The following TUSC3 variants were observed in gnomAD, a reference collection of about 807,000 sequenced individuals.
TUSC3 encodes the protein dolichyl-diphosphooligosaccharide--protein glycosyltransferase subunit TUSC3.
In TUSC3, 45 loss-of-function variants were observed where a neutral mutation model predicts 44.8. That is an observed-to-expected ratio of 1.00 (90% CI 0.79 to 1.29). TUSC3 has a LOEUF of 1.29. TUSC3 is among the 50% of genes most tolerant of loss of function. The probability of loss-of-function intolerance (pLI) is 0.00; values close to 1 mark genes in which losing one functional copy is unlikely to be tolerated. For missense variants in TUSC3, 519 were observed against 437.9 expected (o/e 1.19, Z -1.65); for synonymous variants, 212 against 152.9 (o/e 1.39, Z -2.85).
At chr8:15,456,404 T>A (rs1432263170) in intron 1 of TUSC3, among the ~76,000 whole-genome samples, 1 of 151,810 alleles carries the variant, frequency 6.6e-6, no homozygotes, top group African/African-American at 2.4e-5. Flanking sequence ...ATAGAAAAAA[T>A]AAAAGACCAA....
chr8:15,751,306 G>A (rs2129219643), intron 9 of TUSC3, among the ~76,000 whole-genome samples: 1 of 152,200 alleles, frequency 6.6e-6, no homozygotes, highest in South Asian at 2.1e-4. Flanking sequence ...AAAAAGTTCA[G>A]AAAGTAGGTC....
At chr8:15,488,822 A>G (rs1800768850) in intron 2 of TUSC3, among the ~76,000 whole-genome samples, 1 of 152,186 alleles carries the variant, frequency 6.6e-6, no homozygotes, top group Admixed American at 6.5e-5. Context: ...CAGCTATGAA[A>G]CTATGAGAAA....
chr8:15,483,003 A>C, intron 1 of TUSC3, among the ~76,000 whole-genome samples: 1 of 149,184 alleles, frequency 6.7e-6, no homozygotes, highest in South Asian at 2.1e-4. Flanking sequence ...AGTCAAAAGA[A>C]TGATAATTTA....
chr8:15,623,541 G>T (rs1050767006), intron 2 of TUSC3, among the ~76,000 whole-genome samples: 2 of 151,702 alleles, frequency 1.3e-5, no homozygotes, highest in Admixed American at 1.3e-4. Context: ...TATAGCTATG[G>T]TTAATGAAGT....
At chr8:15,656,234 C>T (rs568052566) in intron 3 of TUSC3, among the ~76,000 whole-genome samples, 1 of 152,102 alleles carries the variant, frequency 6.6e-6, no homozygotes, top group Non-Finnish European at 1.5e-5. Context: ...AAAGTCTGAA[C>T]TCATTCTAGT....
chr8:15,779,716 C>G, the TUSC3 span, among the ~76,000 whole-genome samples: 2 of 152,110 alleles, frequency 1.3e-5, no homozygotes, highest in African/African-American at 2.4e-5. Context: ...TTAAAAAGAT[C>G]AGCTATTTTT....
At chr8:15,650,664 T>A (rs1229457198) in intron 2 of TUSC3, 33 bp from the exon 3 acceptor site, 1 of 1,581,066 alleles carries the variant, frequency 6.3e-7, no homozygotes, top group South Asian at 1.1e-5. Flanking sequence ...TCAGTACTGA[T>A]GTGTTTCTAC....
the TUSC3 span, among the ~76,000 whole-genome samples, chr8:15,809,415 A>T: frequency 1.3e-5 from 2 of 152,142 alleles, no homozygotes; most frequent in Non-Finnish European, 1.5e-5. Context: ...AGGTCCCTTA[A>T]ACAAAAATGA....
the TUSC3 span, chr8:15,806,174 G>C: frequency 1.2e-5 from 6 of 482,526 alleles, no homozygotes; most frequent in Non-Finnish European, 2.0e-5. Flanking sequence ...TTGATGTGGA[G>C]TCACTGTCAT....
chr8:15,757,841 A>G lies in TUSC3; in HGVS notation c.*32A>G, dbSNP rs1165604868. The G allele has an allele frequency of 7.2e-7, 1 of 1,385,220 alleles. No homozygotes were observed. The highest frequency in any genetic ancestry group is 1.4e-5 in the African/African-American group (1 of 70,060). 85.8% of individuals were successfully genotyped at this position (1,385,220 alleles called of 1,614,324 possible). On this transcript the variant is annotated 3_prime_UTR_variant, in exon 10 of 11. Coordinates refer to ENST00000503731, the MANE Select transcript of TUSC3 (RefSeq NM_006765.4). ...GTGATTTGGACCATGGCACTTAAAA[A>G]CTCTATAACCTCAGGCAAGTCTTTT...
chr8:15,567,874 G>C (rs1026723371), intron 1 of TUSC3, among the ~76,000 whole-genome samples: 3 of 152,106 alleles, frequency 2.0e-5, no homozygotes, highest in Admixed American at 2.0e-4. Context: ...TAAGATGAAT[G>C]CCATGTTTGC....
At chr8:15,769,416 C>A (rs1812402681), downstream of TUSC3, among the ~76,000 whole-genome samples, 2 of 152,060 alleles carry the variant, frequency 1.3e-5, no homozygotes, top group Non-Finnish European at 2.9e-5. Flanking sequence ...ACACCGTACA[C>A]AAAAATTAAC....
At chr8:15,832,118 G>A in the TUSC3 span, among the ~76,000 whole-genome samples, 26,878 of 152,152 alleles carry the variant, frequency 0.18, 2,527 homozygotes, top group Admixed American at 0.29. Flanking sequence ...CCACAAGGCA[G>A]AAGAGATTGA....
chr8:15,831,417 A>G, the TUSC3 span, among the ~76,000 whole-genome samples: 1 of 152,158 alleles, frequency 6.6e-6, no homozygotes. Context: ...AAACAACCAT[A>G]CTACATTTCC....
chr8:15,781,839 G>A, the TUSC3 span, among the ~76,000 whole-genome samples: 17 of 152,076 alleles, frequency 1.1e-4, no homozygotes, highest in African/African-American at 4.1e-4. Flanking sequence ...GCTACTATAA[G>A]AAAAGAAAAC....
the TUSC3 span, among the ~76,000 whole-genome samples, chr8:15,811,849 G>C: frequency 6.6e-6 from 1 of 151,994 alleles, no homozygotes; most frequent in South Asian, 2.1e-4. Context: ...AGTAGCAAAA[G>C]CCTGTATAAA....
intron 2 of TUSC3, among the ~76,000 whole-genome samples, chr8:15,529,801 T>C (rs1426665450): frequency 7.6e-6 from 1 of 131,410 alleles, no homozygotes; most frequent in African/African-American, 3.3e-5. Flanking sequence ...TTTTTTTTTT[T>C]TTTTTTTGAG....
At chr8:15,638,949 C>T (rs911916621) in intron 2 of TUSC3, among the ~76,000 whole-genome samples, 4 of 148,946 alleles carry the variant, frequency 2.7e-5, no homozygotes, top group Non-Finnish European at 4.4e-5. Context: ...TTCAGAGCTT[C>T]AGTGATGATG....
Position 15,559,741 on chromosome 8 carries a change from C to A in TUSC3, c.138+19173C>A, listed in dbSNP as rs1374736569. On this transcript the variant is annotated intron_variant, in intron 1 of 10. Coordinates refer to ENST00000503731, the MANE Select transcript of TUSC3 (RefSeq NM_006765.4). ...GTTAGCTCTTCTTGTTGAATTGATC[C>A]CTTTACCATTATGTAATGGCCTTCT... Among the ~76,000 whole-genome samples, 27 of 119,026 alleles carry A rather than the reference C, an allele frequency of 2.3e-4. 1 individual carries two copies. The highest frequency in any genetic ancestry group is 8.3e-4 in the African/African-American group (27 of 32,392). 78.1% of individuals were successfully genotyped at this position (119,026 alleles called of 152,430 possible).
Sources: gnomAD v4.1 joint callset for allele counts (sites outside exome capture counted in the v4.1 genomes callset) on GRCh38, gnomAD v4.1.1 for gene constraint, MANE v1.5 for transcripts, NCBI Gene and HGNC (gene_info 2026-07-23, HGNC 2026-07-21) for gene names.